KCNQ1: variants seen among roughly 807,000 people sequenced by gnomAD.
KCNQ1 encodes the protein potassium voltage-gated channel subfamily Q member 1.
In KCNQ1, 49 loss-of-function variants were observed where a neutral mutation model predicts 72.4. The observed-to-expected ratio is 0.68, with a 90% CI of 0.54 to 0.86. The LOEUF (loss-of-function observed/expected upper bound fraction) is 0.86. Among genes scored for constraint, KCNQ1 ranks in the 40% least tolerant of loss-of-function variants. KCNQ1 has a pLI of 0.00. For missense variants in KCNQ1, 790 were observed against 945.1 expected (o/e 0.84, Z 2.15); for synonymous variants, 450 against 412.6 (o/e 1.09, Z -1.10).
chr11:2,530,548 T>G (rs922882407), intron 2 of KCNQ1, among the ~76,000 whole-genome samples: 24 of 152,226 alleles, frequency 1.6e-4, no homozygotes, highest in Admixed American at 1.6e-3. Flanking sequence ...TGTATGTGAG[T>G]GCCCACATGC....
At position 2,803,499 on chromosome 11, in the gene KCNQ1, G is replaced by C. The variant is rs1847313680; in HGVS notation, c.1794+25462G>C. On this transcript the variant is annotated intron_variant, in intron 15 of 15. Transcript: ENST00000155840. The surrounding 1 kb of genome is among the most constrained non-coding windows in gnomAD (Gnocchi z 6.4). ...ACCCAGGTGGTGTGATGGGGAGCAGGAGCCAGTTGTTCCCAAACCTCGCCC... is the reference window on the plus strand; with the variant it reads ...ACCCAGGTGGTGTGATGGGGAGCAGCAGCCAGTTGTTCCCAAACCTCGCCC... 6.6e-6 allele frequency among the ~76,000 whole-genome samples: 1 copy of C among 152,250 alleles called. No individual in the cohort carries two copies. Among genetic ancestry groups the C allele is most frequent in the East Asian group, 1.9e-4 (1 of 5,164 alleles).
rs1285751423 is a variant in KCNQ1 at position 2,462,556 on chromosome 11, T to C, written c.386+17072T>C. Among the ~76,000 whole-genome samples the C allele has an allele frequency of 1.3e-5, 2 of 152,082 alleles. No homozygotes were observed. The highest frequency in any genetic ancestry group is 6.5e-5 in the Admixed American group (1 of 15,280). On this transcript the variant is annotated intron_variant, in intron 1 of 15. Coordinates refer to ENST00000155840, the MANE Select transcript of KCNQ1 (RefSeq NM_000218.3). The surrounding 1 kb of genome is among the most constrained non-coding windows in gnomAD (Gnocchi z 8.2). Reference sequence around the variant, plus strand: ...GTGCCCCCCGTGAGGCCCCCACCTGTTACTGAGTGGCAGGGACGTGCTCCC... The same window carrying C: ...GTGCCCCCCGTGAGGCCCCCACCTGCTACTGAGTGGCAGGGACGTGCTCCC...
rs929987079 is a variant in KCNQ1 at position 2,813,303 on chromosome 11, G to A, written c.1795-34464G>A. Among the ~76,000 whole-genome samples, 8 of 152,200 alleles carry A rather than the reference G, an allele frequency of 5.3e-5. No homozygotes were observed. Among genetic ancestry groups the A allele is most frequent in the African/African-American group, 1.9e-4 (8 of 41,450 alleles). On this transcript the variant is annotated intron_variant, in intron 15 of 15. Transcript: ENST00000155840. The surrounding 1 kb of genome is among the most constrained non-coding windows in gnomAD (Gnocchi z 4.4). ...GCCAGCAGGCCCTCTGATGCCCAGG[G>A]CTCATTCAAGGGCATCTGCCCTGTG...
chr11:2,757,161 A>G (rs1846317472), intron 11 of KCNQ1, among the ~76,000 whole-genome samples: 1 of 152,126 alleles, frequency 6.6e-6, no homozygotes, highest in South Asian at 2.1e-4. Flanking sequence ...AGGAGGATCT[A>G]AAACTGTTTC....
intron 12 of KCNQ1, among the ~76,000 whole-genome samples, chr11:2,773,174 CAG>C (rs1316468662): frequency 6.6e-6 from 1 of 151,794 alleles, no homozygotes; most frequent in African/African-American, 2.4e-5. Context: ...AAGGGAGAAA[CAG>C]AGTTCAACAA....
rs1564855983 is a variant in KCNQ1, at chr11:2,679,862, A to C, written c.1514+17781A>C. 7.5e-6 allele frequency: 3 copies of C among 398,386 alleles called. No homozygotes were observed. Among genetic ancestry groups the C allele is most frequent in the South Asian group, 1.3e-4 (1 of 7,846 alleles). The allele number at this position is 398,386 out of a possible 1,614,324, so 24.7% of individuals were successfully genotyped here. A position where few individuals can be genotyped will look rare whatever the true frequency, so the allele number is the denominator to read the frequency against. ...TTTATAGGACATGCATTTTTTTCAT[A>C]TAAACTTAGAACTAGCACGCCTAAT... On this transcript the variant is annotated intron_variant, in intron 11 of 15. Coordinates refer to ENST00000155840, the MANE Select transcript of KCNQ1 (RefSeq NM_000218.3). The surrounding 1 kb of genome is among the most constrained non-coding windows in gnomAD (Gnocchi z 4.8).
At chr11:2,527,256 G>A (rs767025366) in intron 1 of KCNQ1, among the ~76,000 whole-genome samples, 18 of 152,282 alleles carry the variant, frequency 1.2e-4, no homozygotes, top group Middle Eastern at 3.4e-3. Context: ...ACAGCCTGCC[G>A]CCTGGAGGCT....
rs115180685 is a variant in KCNQ1 at position 2,693,619 on chromosome 11, C to T, written c.1514+31538C>T. The T allele has an allele frequency of 3.2e-3, 1,292 of 398,646 alleles. 18 individuals carry two copies. Among genetic ancestry groups the T allele is most frequent in the African/African-American group, 0.024 (1,156 of 48,742 alleles). 24.7% of individuals were successfully genotyped at this position (398,646 alleles called of 1,614,324 possible). On this transcript the variant is annotated intron_variant, in intron 11 of 15. Transcript: ENST00000155840. ...ACATTTAAATTGCAAACAAGAGCTTCGCCCAGCCGTAGGAAAGGCTCTGGG... is the reference window on the plus strand; with the variant it reads ...ACATTTAAATTGCAAACAAGAGCTTTGCCCAGCCGTAGGAAAGGCTCTGGG...
At chr11:2,530,037 A>C (rs564529007) in intron 2 of KCNQ1, among the ~76,000 whole-genome samples, 3 of 152,058 alleles carry the variant, frequency 2.0e-5, no homozygotes, top group African/African-American at 7.2e-5. Flanking sequence ...ATGTCCTATC[A>C]CATTGTACTC....
chr11:2,779,955 TG>T (rs760055996), intron 15 of KCNQ1, among the ~76,000 whole-genome samples: 43 of 152,346 alleles, frequency 2.8e-4, no homozygotes, highest in Non-Finnish European at 5.4e-4. Flanking sequence ...AGAACAAGGC[TG>T]GGGCCACATC....
In KCNQ1 at chr11:2,723,040, T is replaced by G. The variant is rs374132815; in HGVS notation, c.1515-45804T>G. Among the ~76,000 whole-genome samples the G allele has an allele frequency of 3.3e-5, 5 of 152,338 alleles. No individual in the cohort carries two copies. The highest frequency in any genetic ancestry group is 1.2e-4 in the African/African-American group (5 of 41,570). On this transcript the variant is annotated intron_variant, in intron 11 of 15. Transcript: ENST00000155840. This position sits in a 1 kb window ranked among gnomAD's most constrained non-coding sequence, Gnocchi z 4.2. ...GGCCAGCTGCGGCCCAAAAGCCTCC[T>G]GGCCTCCATTCCCGTGCCAGGGTGG...
intron 15 of KCNQ1, among the ~76,000 whole-genome samples, chr11:2,833,337 C>G (rs1056113050): frequency 1.3e-5 from 2 of 152,218 alleles, no homozygotes; most frequent in African/African-American, 4.8e-5. Context: ...GAGCCGAGTC[C>G]TCCCCCCACC....
At chr11:2,542,745 G>A (rs1308142335) in intron 2 of KCNQ1, among the ~76,000 whole-genome samples, 1 of 152,230 alleles carries the variant, frequency 6.6e-6, no homozygotes, top group Non-Finnish European at 1.5e-5. Flanking sequence ...ATATTTGAGA[G>A]TCATCCAGGC....
At chr11:2,469,236 G>A (rs907353456) in intron 1 of KCNQ1, among the ~76,000 whole-genome samples, 5 of 151,860 alleles carry the variant, frequency 3.3e-5, no homozygotes, top group African/African-American at 4.8e-5. Context: ...TTAAGAAAAC[G>A]TGGGTGGTTT....
rs1281796990 is a variant in KCNQ1 at position 2,595,302 on chromosome 11, A to G, written c.1393+6448A>G. 1.3e-5 allele frequency among the ~76,000 whole-genome samples: 2 copies of G among 152,262 alleles called. No homozygotes were observed. Among genetic ancestry groups the G allele is most frequent in the Non-Finnish European group, 2.9e-5 (2 of 68,042 alleles). On this transcript the variant is annotated intron_variant, in intron 10 of 15. Transcript: ENST00000155840. This position sits in a 1 kb window ranked among gnomAD's most constrained non-coding sequence, Gnocchi z 5.0. ...GTAAGGTGGCAGATACAAGATTAAT[A>G]TGCAAAAATCAATTCCATTCATATA...
In KCNQ1 at chr11:2,652,547, C is replaced by G; in HGVS notation, c.1394-9414C>G. 2.5e-6 allele frequency: 1 copy of G among 398,546 alleles called. No homozygotes were observed. The highest frequency in any genetic ancestry group is 4.4e-6 in the Non-Finnish European group (1 of 226,066). The allele number at this position is 398,546 out of a possible 1,614,324, so 24.7% of individuals were successfully genotyped here. On this transcript the variant is annotated intron_variant, in intron 10 of 15. Coordinates refer to ENST00000155840, the MANE Select transcript of KCNQ1 (RefSeq NM_000218.3). The surrounding 1 kb of genome is among the most constrained non-coding windows in gnomAD (Gnocchi z 5.9). ...ACTCTTGGAGAAGATAGTGCTTAAC[C>G]CAGATTCCATTGTATATTAAAGTTT... is the stretch of plus-strand genomic sequence containing the variant.
At chr11:2,632,104 A>C in intron 10 of KCNQ1, 1 of 393,756 alleles carries the variant, frequency 2.5e-6, no homozygotes, top group Non-Finnish European at 4.4e-6. Flanking sequence ...AATGGCGTGA[A>C]CTCGGGAGGC....
In KCNQ1 at chr11:2,683,923, C is replaced by T. The variant is rs951722098; in HGVS notation, c.1514+21842C>T. ...GGCCAAAGGTGCATGCTCTGTGACA[C>T]GTTTCATAGTCAGACAAAACCAGCT... On this transcript the variant is annotated intron_variant, in intron 11 of 15. Transcript: ENST00000155840. The surrounding 1 kb of genome is among the most constrained non-coding windows in gnomAD (Gnocchi z 4.7). 3 of 398,274 alleles carry T rather than the reference C, an allele frequency of 7.5e-6. No individual in the cohort carries two copies. The highest frequency in any genetic ancestry group is 4.1e-5 in the African/African-American group (2 of 48,538). The allele number at this position is 398,274 out of a possible 1,614,324, so 24.7% of individuals were successfully genotyped here. A position where few individuals can be genotyped will look rare whatever the true frequency, so the allele number is the denominator to read the frequency against.
chr11:2,791,617 G>A (rs976237663), intron 15 of KCNQ1, among the ~76,000 whole-genome samples: 31 of 152,240 alleles, frequency 2.0e-4, no homozygotes, highest in Middle Eastern at 3.4e-3. Context: ...GGGCGAACCG[G>A]CGGCACAGGC....
Sources: gnomAD v4.1 joint callset for allele counts (sites outside exome capture counted in the v4.1 genomes callset) on GRCh38, gnomAD v4.1.1 for gene constraint, Gnocchi (gnomAD v3.1) non-coding constraint, MANE v1.5 for transcripts, NCBI Gene and HGNC (gene_info 2026-07-23, HGNC 2026-07-21) for gene names.